Variants in CDH23 observed in about 807,000 individuals in gnomAD.
The protein encoded by CDH23 is cadherin related 23, also known as cadherin-23.
CDH23 carries 189 observed loss-of-function variants against 317.1 expected under a neutral mutation model. The observed-to-expected ratio is 0.60, with a 90% CI of 0.53 to 0.67. CDH23 has a LOEUF of 0.67. Ranked by LOEUF, CDH23 falls within the 30% of genes least tolerant of loss-of-function variation. The pLI, the probability that CDH23 is intolerant of heterozygous loss-of-function variation, is 0.00. For synonymous variants in CDH23, 1,839 were observed against 1,876.8 expected, an observed-to-expected ratio of 0.98 and a Z score of 0.52; for missense variants, 4,401 against 4,592.4, an observed-to-expected ratio of 0.96 and a Z score of 1.20.
At chr10:71,405,035 C>T (rs886245219) in intron 1 of CDH23, among the ~76,000 whole-genome samples, 1 of 152,228 alleles carries the variant, frequency 6.6e-6, no homozygotes, top group East Asian at 1.9e-4. Flanking sequence ...AAAGGGCAGC[C>T]GCGACTCTGT....
intron 38 of CDH23, chr10:71,750,271 G>A (rs1290784548): frequency 6.6e-6 from 1 of 152,354 alleles, no homozygotes; most frequent in Non-Finnish European, 1.5e-5. Context: ...AGGAGCAGCA[G>A]AGTGCAGATT....
intron 1 of CDH23, among the ~76,000 whole-genome samples, chr10:71,402,152 G>A (rs1407843176): frequency 2.6e-5 from 4 of 152,104 alleles, no homozygotes; most frequent in African/African-American, 9.7e-5. Context: ...GCGGTCTTGG[G>A]GCCCTGTGTC....
chr10:71,732,424 T>C, intron 32 of CDH23, 49 bp downstream of exon 32: 1 of 1,549,512 alleles, frequency 6.5e-7, no homozygotes, highest in Non-Finnish European at 8.7e-7. Flanking sequence ...CTAACCAACA[T>C]TGGTTGAGCT....
intron 14 of CDH23, among the ~76,000 whole-genome samples, chr10:71,666,770 C>T (rs985932523): frequency 3.9e-5 from 6 of 152,136 alleles, no homozygotes; most frequent in East Asian, 1.9e-4. Flanking sequence ...TCTGGGCTAC[C>T]GGGTTCCTGC....
chr10:71,403,343 C>A (rs552999121), intron 1 of CDH23, among the ~76,000 whole-genome samples: 3 of 60,488 alleles, frequency 5.0e-5, no homozygotes, highest in Non-Finnish European at 9.1e-5. Context: ...TTCTTTCTTT[C>A]TTTCTTTCTT....
chr10:71,602,302 C>T (rs753789528), intron 9 of CDH23, among the ~76,000 whole-genome samples: 2 of 152,062 alleles, frequency 1.3e-5, no homozygotes, highest in African/African-American at 4.8e-5. Context: ...GGAGAGGGCT[C>T]GGACAATCAG....
intron 28 of CDH23, chr10:71,717,543 C>T (rs990051456): frequency 1.3e-5 from 2 of 152,286 alleles, no homozygotes; most frequent in African/African-American, 4.8e-5. Flanking sequence ...GATGGAAAAC[C>T]AGGCTGAGCT....
intron 38 of CDH23, chr10:71,760,700 T>C (rs1330782666): frequency 1.7e-5 from 11 of 657,340 alleles, no homozygotes; most frequent in African/African-American, 7.2e-5. Context: ...CTTCTGGGGA[T>C]TGCACCAAGG....
intron 16 of CDH23, 75 bp from the exon 17 acceptor site, chr10:71,679,312 C>G (rs1419254307): frequency 2.8e-6 from 2 of 702,846 alleles, no homozygotes; most frequent in Non-Finnish European, 5.0e-6. Flanking sequence ...CTTCCCCACC[C>G]TCCCAGCTGC....
At chr10:71,471,493 G>A (rs898397596) in intron 3 of CDH23, among the ~76,000 whole-genome samples, 1 of 152,012 alleles carries the variant, frequency 6.6e-6, no homozygotes, top group Non-Finnish European at 1.5e-5. Flanking sequence ...TGTGCTCTCT[G>A]TGGTGCGATT....
At position 71,511,177 on chromosome 10, in the gene CDH23, T is replaced by C; in HGVS notation, c.394T>C (p.Phe132Leu). 6.2e-7 allele frequency: 1 copy of C among 1,613,640 alleles called. No homozygotes were observed. Among genetic ancestry groups the C allele is most frequent in the Non-Finnish European group, 8.5e-7 (1 of 1,179,656 alleles). Reference protein sequence around the residue: ...VGDVNDNAPTFHNQPYSVRIP... With the variant: ...VGDVNDNAPTLHNQPYSVRIP... ...GGATGTGAATGACAACGCGCCCACA[T>C]TTCACAATCAGCCCTACAGCGTCCG... The change falls in exon 6 of 70, where the codon TTT becomes CTT. Residue 132 changes from phenylalanine (F) to leucine (L), a missense_variant. Coordinates refer to ENST00000224721, the MANE Select transcript of CDH23 (RefSeq NM_022124.6).
At chr10:71,473,722 T>C (rs1056730522) in intron 3 of CDH23, among the ~76,000 whole-genome samples, 9 of 152,208 alleles carry the variant, frequency 5.9e-5, no homozygotes, top group Non-Finnish European at 8.8e-5. Flanking sequence ...AACCCAACAA[T>C]ATTATGGATG....
chr10:71,705,438 G>A (rs769840035), intron 25 of CDH23, among the ~76,000 whole-genome samples: 55 of 152,200 alleles, frequency 3.6e-4, no homozygotes, highest in Non-Finnish European at 6.5e-4. Flanking sequence ...CTTGAGCAGG[G>A]CCCGGGACCC....
chr10:71,624,443 C>T (rs558262153), intron 11 of CDH23, among the ~76,000 whole-genome samples: 2 of 152,338 alleles, frequency 1.3e-5, no homozygotes, highest in South Asian at 2.1e-4. Context: ...GCCATTTTCT[C>T]ATCTGCAAAG....
chr10:71,457,276 C>T (rs1281645126), intron 3 of CDH23, among the ~76,000 whole-genome samples: 1 of 152,178 alleles, frequency 6.6e-6, no homozygotes, highest in African/African-American at 2.4e-5. Context: ...AATTATTTAG[C>T]CCCTGTGTTT....
At chr10:71,671,187 T>C (rs1864132027) in intron 14 of CDH23, among the ~76,000 whole-genome samples, 1 of 152,130 alleles carries the variant, frequency 6.6e-6, no homozygotes, top group Non-Finnish European at 1.5e-5. Flanking sequence ...CTTGAACTCC[T>C]GACCTCAAGT....
At chr10:71,744,920 A>G (rs971354877) in intron 38 of CDH23, among the ~76,000 whole-genome samples, 7 of 152,258 alleles carry the variant, frequency 4.6e-5, no homozygotes, top group Middle Eastern at 3.2e-3. Context: ...AAAAGAATCC[A>G]TCCATCTTCA....
Position 71,577,916 on chromosome 10 carries a change from C to T in CDH23, c.756C>T (p.Gly252=). 1 of 1,595,326 alleles carries T rather than the reference C, an allele frequency of 6.3e-7. No individual in the cohort carries two copies. The highest frequency in any genetic ancestry group is 2.3e-5 in the East Asian group (1 of 44,036). The change falls in exon 9 of 70, where the codon GGC becomes GGT. Residue 252 remains glycine (G), a splice_region_variant and synonymous_variant. Transcript: ENST00000224721. ...STNIYEHSPP[G]TTVRIITAID... ...AGTCCCTCCTCTCTTCTGCCCAGGGCACGACGGTGCGCATCATCACCGCCA... is the reference window on the plus strand; with the variant it reads ...AGTCCCTCCTCTCTTCTGCCCAGGGTACGACGGTGCGCATCATCACCGCCA...
At chr10:71,467,370 T>C (rs12265176) in intron 3 of CDH23, among the ~76,000 whole-genome samples, 1 of 151,938 alleles carries the variant, frequency 6.6e-6, no homozygotes, top group East Asian at 1.9e-4. Flanking sequence ...ATCCTCAGAG[T>C]TTCTGGTTGA....
Sources: allele counts gnomAD v4.1 joint callset (sites outside exome capture counted in the v4.1 genomes callset), GRCh38; gene constraint gnomAD v4.1.1; transcripts MANE v1.5; gene names NCBI Gene and HGNC (gene_info 2026-07-23, HGNC 2026-07-21).